KDM3A: variants seen among roughly 807,000 people sequenced by gnomAD.
KDM3A encodes the protein lysine demethylase 3A, also known as lysine-specific demethylase 3A.
KDM3A carries 60 observed loss-of-function variants against 158.0 expected under a neutral mutation model. The ratio of observed to expected loss-of-function variants is 0.38; its 90% CI spans 0.31 to 0.47. KDM3A has a LOEUF of 0.47. Among genes scored for constraint, KDM3A ranks in the 20% least tolerant of loss-of-function variants. The probability of loss-of-function intolerance (pLI) is 0.99; values close to 1 mark genes in which losing one functional copy is unlikely to be tolerated. For synonymous variants in KDM3A, 608 were observed against 549.3 expected (o/e 1.11, Z -1.49); for missense variants, 1,319 against 1,574.3 (o/e 0.84, Z 2.74).
intron 10 of KDM3A, among the ~76,000 whole-genome samples, chr2:86,468,202 C>A (rs1673245572): frequency 6.6e-6 from 1 of 152,176 alleles, no homozygotes; most frequent in Non-Finnish European, 1.5e-5. Context: ...AAAGAACTTT[C>A]TTTGCCTAGC....
chr2:86,443,419 C>G (rs1682823115), intron 2 of KDM3A: 1 of 152,158 alleles, frequency 6.6e-6, no homozygotes, highest in Non-Finnish European at 1.5e-5. Flanking sequence ...TGTTTTAAAG[C>G]TTCAGTGTTG....
At position 86,478,732 on chromosome 2, in the gene KDM3A, A is replaced by G. The variant is rs1340212819; in HGVS notation, c.2313A>G (p.Lys771=). The G allele has an allele frequency of 6.8e-6, 11 of 1,612,872 alleles. No individual in the cohort carries two copies. The highest frequency in any genetic ancestry group is 8.5e-6 in the Non-Finnish European group (10 of 1,179,466). The change falls in exon 15 of 26, where the codon AAA becomes AAG. Residue 771 remains lysine, a synonymous_variant. Transcript: ENST00000312912. ...AGCCAGCCTCAAAGGAAGACCTAAA[A>G]CAGGTATTTACTGCTTATGTTAAAT... ...FSKPASKEDL[K]QTSLAGEKPT...
chr2:86,456,368 T>A, intron 5 of KDM3A, 74 bp from the exon 6 acceptor site: 1 of 1,065,262 alleles, frequency 9.4e-7, no homozygotes, highest in Non-Finnish European at 1.3e-6. Flanking sequence ...TAGGAAAAGA[T>A]TGTCCTGGAT....
At chr2:86,476,753 G>T (rs1028371261) in intron 12 of KDM3A, among the ~76,000 whole-genome samples, 21 of 152,330 alleles carry the variant, frequency 1.4e-4, no homozygotes, top group African/African-American at 5.1e-4. Flanking sequence ...ATTGTGCCCT[G>T]TGCAATACAT....
Position 86,480,226 on chromosome 2 carries a change from G to T in KDM3A, c.2376G>T (p.Val792=), listed in dbSNP as rs752386502. Residue 792 remains valine, a synonymous_variant, in exon 16 of 26, where the codon GTG becomes GTT. Coordinates refer to ENST00000312912, the MANE Select transcript of KDM3A (RefSeq NM_018433.6). ...CAGTGCTCCAGCAGAATCCCTCAGT[G>T]TTGGAGCCAGCAGCTGTGGGTGGGG... The part of the protein sequence containing the change: ...LGAVLQQNPS[V]LEPAAVGGEA... 6.2e-7 allele frequency: 1 copy of T among 1,613,712 alleles called. No homozygotes were observed. Among genetic ancestry groups the T allele is most frequent in the Non-Finnish European group, 8.5e-7 (1 of 1,180,030 alleles).
At chr2:86,477,808 C>A in intron 12 of KDM3A, 69 bp from the exon 13 acceptor site, 1 of 1,445,210 alleles carries the variant, frequency 6.9e-7, no homozygotes, top group Admixed American at 2.1e-5. Context: ...GACAATAACC[C>A]CTACCTTTCG....
intron 8 of KDM3A, among the ~76,000 whole-genome samples, chr2:86,461,563 C>G (rs1573167256): frequency 6.6e-6 from 1 of 152,158 alleles, no homozygotes; most frequent in African/African-American, 2.4e-5. Context: ...TGCCCATAAA[C>G]AGTGTGTGTC....
intron 15 of KDM3A, 148 bp from the exon 16 acceptor site, chr2:86,480,019 C>T (rs1673845192): frequency 1.6e-6 from 1 of 635,358 alleles, no homozygotes; most frequent in Admixed American, 2.8e-5. Flanking sequence ...GGGATTACTG[C>T]AGCTGTGGGG....
At position 86,489,546 on chromosome 2, in the gene KDM3A, G is replaced by C; in HGVS notation, c.3460G>C (p.Asp1154His). 4 of 1,613,830 alleles carry C rather than the reference G, an allele frequency of 2.5e-6. No homozygotes were observed. Among genetic ancestry groups the C allele is most frequent in the Non-Finnish European group, 3.4e-6 (4 of 1,179,882 alleles). The change falls in exon 23 of 26, where the codon GAT becomes CAT. Residue 1154 changes from aspartate (D) to histidine (H), a missense_variant. By Grantham distance (81) the Asp-to-His change is moderately conservative. Coordinates refer to ENST00000312912, the MANE Select transcript of KDM3A (RefSeq NM_018433.6). ...AGTCCTTAAGACCATCCAAGATGGA[G>C]ATTCTGACGAACTCACAATAAAGCG... ...EEVLKTIQDG[D>H]SDELTIKRFI...
chr2:86,464,131 A>C lies in KDM3A; in HGVS notation c.922A>C (p.Thr308Pro). 1 of 1,612,672 alleles carries C rather than the reference A, an allele frequency of 6.2e-7. No homozygotes were observed. The highest frequency in any genetic ancestry group is 2.2e-5 in the East Asian group (1 of 44,842). The change falls in exon 9 of 26, where the codon ACT becomes CCT. Residue 308 changes from threonine (T) to proline (P), a missense_variant. Around this residue, in one of 4 missense-constraint regions of KDM3A, gnomAD observed 652 missense variants for 627.2 expected, o/e 1.04. Transcript: ENST00000312912. ...GATACTGCTTGGCTGTACTGCGGCAACTCCACCTAGTAAGGACCCAAGACA... is the reference window on the plus strand; with the variant it reads ...GATACTGCTTGGCTGTACTGCGGCACCTCCACCTAGTAAGGACCCAAGACA... ...KEILLGCTAATPPSKDPRQQS... is the reference protein window; with the variant it reads ...KEILLGCTAAPPPSKDPRQQS...
intron 11 of KDM3A, 75 bp from the exon 12 acceptor site, chr2:86,474,701 T>TTTGTG (rs1553396793): frequency 0.1 from 43,613 of 426,056 alleles, 2,684 homozygotes; most frequent in Admixed American, 0.13. Context: ...TGTAAATAAG[T>TTTGTG]TGTGTGTGTG....
intron 9 of KDM3A, among the ~76,000 whole-genome samples, chr2:86,465,435 G>A (rs1280171883): frequency 6.6e-6 from 1 of 151,966 alleles, no homozygotes; most frequent in African/African-American, 2.4e-5. Context: ...TTGCTCTGTT[G>A]CCCAGGAGGG....
chr2:86,473,492 C>T (rs1306732100), intron 11 of KDM3A, among the ~76,000 whole-genome samples: 5 of 152,100 alleles, frequency 3.3e-5, no homozygotes, highest in African/African-American at 9.7e-5. Context: ...TGTTTGTAAT[C>T]GAAGCACTTC....
chr2:86,458,619 G>A (rs570999100), intron 8 of KDM3A, among the ~76,000 whole-genome samples: 1 of 152,274 alleles, frequency 6.6e-6, no homozygotes, highest in African/African-American at 2.4e-5. Context: ...ACAAGTGCAG[G>A]GAGAGTGCTC....
At chr2:86,459,484 G>C (rs897690763) in intron 8 of KDM3A, among the ~76,000 whole-genome samples, 4 of 152,052 alleles carry the variant, frequency 2.6e-5, no homozygotes, top group Non-Finnish European at 4.4e-5. Flanking sequence ...ATGAAGAGGA[G>C]AGCTGAGCTG....
In KDM3A at chr2:86,491,105, G is replaced by C. The variant is rs373566823; in HGVS notation, c.3751-36G>C. ...TAATCTCTTTATGTCATGAACTTTT[G>C]GGTTTGTTACTGATATATTACTTGG... On this transcript the variant is annotated intron_variant, in intron 24 of 25. Coordinates refer to ENST00000312912, the MANE Select transcript of KDM3A (RefSeq NM_018433.6). The C allele has an allele frequency of 4.3e-6, 7 of 1,613,014 alleles. No individual in the cohort carries two copies. In the African/African-American group the frequency reaches 8.0e-5, roughly 18 times the overall value.
chr2:86,491,876 G>A, intron 25 of KDM3A, 163 bp from the exon 26 acceptor site: 1 of 597,190 alleles, frequency 1.7e-6, no homozygotes, highest in South Asian at 2.0e-5. Flanking sequence ...TGAAATACTG[G>A]TCTGAAGGAG....
At chr2:86,481,263 T>G (rs1310278910) in intron 16 of KDM3A, among the ~76,000 whole-genome samples, 1 of 152,182 alleles carries the variant, frequency 6.6e-6, no homozygotes, top group Non-Finnish European at 1.5e-5. Flanking sequence ...TGAGTTTTTT[T>G]GAGACGGAAT....
upstream of KDM3A, among the ~76,000 whole-genome samples, chr2:86,438,601 C>T (rs1206641273): frequency 2.6e-5 from 4 of 151,870 alleles, no homozygotes; most frequent in African/African-American, 9.7e-5. Flanking sequence ...TCATATTGTA[C>T]ACCATATAGT....
Sources: gnomAD v4.1 joint callset for allele counts (sites outside exome capture counted in the v4.1 genomes callset) on GRCh38, gnomAD v4.1.1 for gene constraint, gnomAD v4.1.1 regional missense constraint, MANE v1.5 for transcripts, NCBI Gene and HGNC (gene_info 2026-07-23, HGNC 2026-07-21) for gene names.